Variants in GPR108 observed in about 807,000 individuals in gnomAD.
GPR108 encodes protein GPR108.
A neutral mutation model predicts 74.3 loss-of-function variants in GPR108; 60 were observed. The ratio of observed to expected loss-of-function variants is 0.81; its 90% CI spans 0.66 to 1.00. The LOEUF (loss-of-function observed/expected upper bound fraction) is 1.00, where lower values mean the gene tolerates loss of function less well. Among genes scored for constraint, GPR108 ranks in the 50% least tolerant of loss-of-function variants. GPR108 has a pLI of 0.00. For synonymous variants in GPR108, 311 were observed against 292.4 expected (o/e 1.06, Z -0.65); for missense variants, 667 against 703.3 (o/e 0.95, Z 0.58).
In GPR108 at chr19:6,731,528, G is replaced by T. The variant is rs962022787; in HGVS notation, c.1301-6C>A. The T allele has an allele frequency of 1.3e-6, 2 of 1,516,236 alleles. No individual in the cohort carries two copies. Among genetic ancestry groups the T allele is most frequent in the Non-Finnish European group, 1.8e-6 (2 of 1,133,594 alleles). The allele number at this position is 1,516,236 out of a possible 1,614,324, so 93.9% of individuals were successfully genotyped here. Reference sequence around the variant, plus strand: ...CTTGGCCAGGTTCACTGCCACTGAGGGTGGGCACAGAGAGGGCGGTCAGGG... The same window carrying T: ...CTTGGCCAGGTTCACTGCCACTGAGTGTGGGCACAGAGAGGGCGGTCAGGG... On this transcript the variant is annotated splice_polypyrimidine_tract_variant and splice_region_variant and intron_variant, in intron 14 of 17. Transcript: ENST00000264080.
chr19:6,734,550 C>T (rs75358926), intron 4 of GPR108, among the ~76,000 whole-genome samples: 9,877 of 152,206 alleles, frequency 0.065, 684 homozygotes, highest in African/African-American at 0.17. Context: ...CTCTTTTTCT[C>T]TTTTCTTTAG....
rs1414721676 is a variant in GPR108, at chr19:6,734,298, C to T, written c.384G>A (p.Val128=). 2 of 1,613,610 alleles carry T rather than the reference C, an allele frequency of 1.2e-6. No individual in the cohort carries two copies. Among genetic ancestry groups the T allele is most frequent in the Non-Finnish European group, 1.7e-6 (2 of 1,179,950 alleles). ...ACGTCTTCTGCTCTCCATACTTCCGCACCTGGACCCTGGGGTGAGGGTGGG... is the reference window on the plus strand; with the variant it reads ...ACGTCTTCTGCTCTCCATACTTCCGTACCTGGACCCTGGGGTGAGGGTGGG... ...LINTKDLQVQ[V]RKYGEQKTLF... The change falls in exon 5 of 18, where the codon GTG becomes GTA. Residue 128 remains valine (V), a synonymous_variant. Coordinates refer to ENST00000264080, the MANE Select transcript of GPR108 (RefSeq NM_001080452.2).
At position 6,732,292 on chromosome 19, in the gene GPR108, T is replaced by C; in HGVS notation, c.1096A>G (p.Lys366Glu). 1 of 1,612,908 alleles carries C rather than the reference T, an allele frequency of 6.2e-7. No homozygotes were observed. Among genetic ancestry groups the C allele is most frequent in the Non-Finnish European group, 8.5e-7 (1 of 1,180,004 alleles). ...ATGGGGATCACGATCCCAAAGACCT[T>C]CTTCTCCTTATCCGACAGGACGTAC... ...IKYVLSDKEK[K>E]VFGIVIPMQV... The change falls in exon 12 of 18, where the codon AAG (lysine) becomes GAG (glutamate). Residue 366 changes from lysine to glutamate, a missense_variant. Lys to Glu is a moderately conservative substitution (Grantham distance 56). Transcript: ENST00000264080.
chr19:6,735,597 A>T (rs1452920871), intron 4 of GPR108, 25 bp downstream of exon 4: 21 of 1,599,850 alleles, frequency 1.3e-5, no homozygotes, highest in Non-Finnish European at 3.4e-6. Context: ...GAAGGATCTG[A>T]GCGAGCCCCC....
Position 6,735,978 on chromosome 19 carries a change from A to C in GPR108, c.241-20T>G. ...CCCCACCTGGTGGGTGGAAAAAAAA[A>C]GGGGAGGGTGTGAGGGACAGTAGAG... is the stretch of plus-strand genomic sequence containing the variant. On this transcript the variant is annotated intron_variant, in intron 2 of 17. Transcript: ENST00000264080. 6.3e-7 allele frequency: 1 copy of C among 1,597,914 alleles called. No individual in the cohort carries two copies. The highest frequency in any genetic ancestry group is 8.5e-7 in the Non-Finnish European group (1 of 1,170,802).
chr19:6,730,190 C>A lies in GPR108; in HGVS notation c.*122G>T. The A allele has an allele frequency of 1.1e-6, 1 of 915,952 alleles. No individual in the cohort carries two copies. The highest frequency in any genetic ancestry group is 1.8e-6 in the Non-Finnish European group (1 of 566,570). The allele number at this position is 915,952 out of a possible 1,614,324, so 56.7% of individuals were successfully genotyped here. ...ATGGGCTTGTCCGGGAACCGGGGTC[C>A]CGGGGAGCTGGGCGCCTGGTCCACA... is the stretch of plus-strand genomic sequence containing the variant. On this transcript the variant is annotated 3_prime_UTR_variant, in exon 18 of 18. Transcript: ENST00000264080.
In GPR108 at chr19:6,732,393, G is replaced by A; in HGVS notation, c.1008-13C>T. On this transcript the variant is annotated splice_polypyrimidine_tract_variant and intron_variant, in intron 11 of 17. Transcript: ENST00000264080. ...GGCGCCCTTCAGCCTGAAGGAGCAGGGGAGGGCGTGATGATGAGGTGGGGG... is the reference window on the plus strand; with the variant it reads ...GGCGCCCTTCAGCCTGAAGGAGCAGAGGAGGGCGTGATGATGAGGTGGGGG... 2 of 1,613,182 alleles carry A rather than the reference G, an allele frequency of 1.2e-6. No individual in the cohort carries two copies. Among genetic ancestry groups the A allele is most frequent in the Non-Finnish European group, 1.7e-6 (2 of 1,179,688 alleles).
chr19:6,731,080 AAGAAGGCC>A lies in GPR108; in HGVS notation c.1458_1465del (p.Ala487ArgfsTer161). On this transcript the variant is annotated frameshift_variant, in exon 17 of 18. Transcript: ENST00000264080. LOFTEE classifies it high-confidence loss of function. Reference sequence around the variant, plus strand: ...CTGGAACTTGTAGCCCGTGAGCACGAAGAAGGCCAGGGTGGAGCCCTCCACCAAGAGCT... The same window carrying A: ...CTGGAACTTGTAGCCCGTGAGCACGAAGGGTGGAGCCCTCCACCAAGAGCT... The A allele has an allele frequency of 6.2e-7, 1 of 1,613,286 alleles. No homozygotes were observed. The highest frequency in any genetic ancestry group is 8.5e-7 in the Non-Finnish European group (1 of 1,179,784).
In GPR108 at chr19:6,732,975, C is replaced by G. The variant is rs531734565; in HGVS notation, c.933+12G>C. 209 of 1,578,808 alleles carry G rather than the reference C, an allele frequency of 1.3e-4. No individual in the cohort carries two copies. In the South Asian group the frequency reaches 2.2e-3, roughly 17 times the overall value. ...GCCCACCCCCCGCTGCTCCCCGGTC[C>G]AAGGCTCTCACGCTGTGGAAGAGGA... is the stretch of plus-strand genomic sequence containing the variant. On this transcript the variant is annotated intron_variant, in intron 10 of 17. Coordinates refer to ENST00000264080, the MANE Select transcript of GPR108 (RefSeq NM_001080452.2).
In GPR108 at chr19:6,732,258, C is replaced by T. The variant is rs367615797; in HGVS notation, c.1125+5G>A. On this transcript the variant is annotated splice_donor_5th_base_variant and intron_variant, in intron 12 of 17. Transcript: ENST00000264080. ...GCCCTGCTCCGGAGGCTGCTCCATC[C>T]GCACCTGCATGGGGATCACGATCCC... 48 of 1,611,816 alleles carry T rather than the reference C, an allele frequency of 3.0e-5. No homozygotes were observed. Among genetic ancestry groups the T allele is most frequent in the Non-Finnish European group, 3.5e-5 (41 of 1,179,900 alleles).
chr19:6,731,654 A>T, intron 14 of GPR108, 132 bp from the exon 15 acceptor site: 2 of 875,894 alleles, frequency 2.3e-6, no homozygotes, highest in African/African-American at 3.4e-5. Context: ...TCGAGGGGAC[A>T]TTAGGTGGGG....
In GPR108 at chr19:6,733,690, G is replaced by A; in HGVS notation, c.619-16C>T. 6.2e-7 allele frequency: 1 copy of A among 1,611,458 alleles called. No individual in the cohort carries two copies. On this transcript the variant is annotated splice_polypyrimidine_tract_variant and intron_variant, in intron 7 of 17. Coordinates refer to ENST00000264080, the MANE Select transcript of GPR108 (RefSeq NM_001080452.2). The stretch of plus-strand genomic sequence containing the variant: ...CCACGTGGAACTGGGCGGGCGGGGA[G>A]AGAGGAGGGCTCAGCCTGGGGGACC...
intron 17 of GPR108, 23 bp from the exon 18 acceptor site, chr19:6,730,407 C>G (rs369161984): frequency 6.2e-7 from 1 of 1,606,426 alleles, no homozygotes. Flanking sequence ...AGCGAGGAGG[C>G]GTCTAGCGTT....
Position 6,732,126 on chromosome 19 carries a change from G to C in GPR108, c.1155C>G (p.Ile385Met). Reference sequence around the variant, plus strand: ...CGCTGGCGCCTTCCTCGCGGGACTCGATGATGATGTAGGCCACGTTGGCCA... The same window carrying C: ...CGCTGGCGCCTTCCTCGCGGGACTCCATGATGATGTAGGCCACGTTGGCCA... ...QVLANVAYII[I>M]ESREEGASDY... Residue 385 changes from isoleucine to methionine, a missense_variant, in exon 13 of 18, where the codon ATC becomes ATG. Ile to Met is a conservative substitution (Grantham distance 10). Coordinates refer to ENST00000264080, the MANE Select transcript of GPR108 (RefSeq NM_001080452.2). 2.5e-6 allele frequency: 4 copies of C among 1,613,800 alleles called. No homozygotes were observed. Among genetic ancestry groups the C allele is most frequent in the Non-Finnish European group, 3.4e-6 (4 of 1,179,994 alleles).
At position 6,734,047 on chromosome 19, in the gene GPR108, G is replaced by A. The variant is rs973826340; in HGVS notation, c.507C>T (p.Thr169=). 1 of 1,614,180 alleles carries A rather than the reference G, an allele frequency of 6.2e-7. No homozygotes were observed. Among genetic ancestry groups the A allele is most frequent in the Non-Finnish European group, 8.5e-7 (1 of 1,180,020 alleles). ...TVPRKVDGGG[T]SAASKPKSTP... is the part of the protein sequence containing the mutation. ...TTGACTTGGGCTTGCTGGCTGCAGA[G>A]GTCCCTCCTGTAAGAGACCGGGCAG... Residue 169 remains threonine, a synonymous_variant, in exon 6 of 18, where the codon ACC becomes ACT. Coordinates refer to ENST00000264080, the MANE Select transcript of GPR108 (RefSeq NM_001080452.2).
rs750504860 is a variant in GPR108 at position 6,732,530 on chromosome 19, T to G, written c.953A>C (p.Asn318Thr). The G allele has an allele frequency of 6.2e-7, 1 of 1,613,668 alleles. No individual in the cohort carries two copies. The highest frequency in any genetic ancestry group is 1.1e-5 in the South Asian group (1 of 91,060). The change falls in exon 11 of 18, where the codon AAC (asparagine) becomes ACC (threonine). Residue 318 changes from asparagine to threonine, a missense_variant. Physicochemically the swap from Asn to Thr is moderately conservative, Grantham distance 65. Coordinates refer to ENST00000264080, the MANE Select transcript of GPR108 (RefSeq NM_001080452.2). ...LFHSINYYFI[N>T]SQGHPIEGLA... ...GCCTTCGATGGGGTGGCCCTGGCTG[T>G]TGATGAAGTAGTAGTTGATCTGGGG...
At chr19:6,734,733 G>C (rs962856806) in intron 4 of GPR108, among the ~76,000 whole-genome samples, 1 of 151,958 alleles carries the variant, frequency 6.6e-6, no homozygotes, top group African/African-American at 2.4e-5. Flanking sequence ...AGAGACAGGG[G>C]TCTCCCTACG....
intron 15 of GPR108, 42 bp downstream of exon 15, chr19:6,731,431 G>A (rs756051982): frequency 3.6e-5 from 54 of 1,515,266 alleles, no homozygotes; most frequent in South Asian, 2.4e-4. Context: ...GCAGCAGGCC[G>A]GTAATCCCCC....
Position 6,737,557 on chromosome 19 carries a change from C to G in GPR108, c.20G>C (p.Arg7Thr), listed in dbSNP as rs1385512604. Reference sequence around the variant, plus strand: ...CGCGGGGCTCCCGCGGCCGAGCCCCCTCCTCTCGCTCACTGCCATCTCTGG... The same window carrying G: ...CGCGGGGCTCCCGCGGCCGAGCCCCGTCCTCTCGCTCACTGCCATCTCTGG... Reference protein sequence around the residue: MAVSERRGLGRGSPAEW... With the variant: MAVSERTGLGRGSPAEW... Residue 7 changes from arginine to threonine, a missense_variant, in exon 1 of 18, where the codon AGG becomes ACG. Transcript: ENST00000264080. The G allele has an allele frequency of 2.6e-6, 4 of 1,521,752 alleles. No homozygotes were observed. The highest frequency in any genetic ancestry group is 2.4e-5 in the South Asian group (2 of 82,990). The allele number at this position is 1,521,752 out of a possible 1,614,324, so 94.3% of individuals were successfully genotyped here.
Sources: gnomAD v4.1 joint callset for allele counts (sites outside exome capture counted in the v4.1 genomes callset) on GRCh38, gnomAD v4.1.1 for gene constraint, MANE v1.5 for transcripts, NCBI Gene and HGNC (gene_info 2026-07-23, HGNC 2026-07-21) for gene names.